Variants in RBM39 observed in about 807,000 individuals in gnomAD.
RBM39 encodes the protein RNA binding motif protein 39, also known as RNA-binding protein 39.
RBM39 carries 12 observed loss-of-function variants against 79.6 expected under a neutral mutation model. The observed-to-expected ratio is 0.15, with a 90% CI of 0.10 to 0.24. RBM39 has a LOEUF of 0.24. Ranked by LOEUF, RBM39 falls within the 10% of genes least tolerant of loss-of-function variation. The pLI is 1.00. For synonymous variants in RBM39, 185 were observed against 208.4 expected (o/e 0.89, Z 0.97); for missense variants, 243 against 653.4 (o/e 0.37, Z 6.85).
chr20:35,720,335 C>T (rs2146590113), intron 9 of RBM39, among the ~76,000 whole-genome samples: 1 of 152,272 alleles, frequency 6.6e-6, no homozygotes, highest in South Asian at 2.1e-4. Context: ...GACACAAGGC[C>T]TCGTGGCGCC....
At chr20:35,735,599 A>C (rs1187403709) in intron 3 of RBM39, among the ~76,000 whole-genome samples, 2 of 152,228 alleles carry the variant, frequency 1.3e-5, no homozygotes, top group Non-Finnish European at 2.9e-5. Flanking sequence ...TTTAGTACTA[A>C]AGGTTTAAAG....
intron 14 of RBM39, among the ~76,000 whole-genome samples, chr20:35,706,171 T>C (rs1394465658): frequency 1.3e-5 from 2 of 152,136 alleles, no homozygotes; most frequent in Non-Finnish European, 2.9e-5. Flanking sequence ...AAACCCTGTC[T>C]CTACTAAAAA....
intron 1 of RBM39, among the ~76,000 whole-genome samples, chr20:35,741,227 T>C (rs2146770697): frequency 6.6e-6 from 1 of 151,328 alleles, no homozygotes; most frequent in Middle Eastern, 3.4e-3. Context: ...AGAGACGGGG[T>C]TTCACCATGT....
chr20:35,728,448 GTTTA>G (rs2039003006), intron 6 of RBM39, among the ~76,000 whole-genome samples: 1 of 151,962 alleles, frequency 6.6e-6, no homozygotes, highest in Non-Finnish European at 1.5e-5. Flanking sequence ...AATGCAAAAA[GTTTA>G]TTTTAATTAA....
intron 9 of RBM39, among the ~76,000 whole-genome samples, chr20:35,720,690 G>A (rs1438903557): frequency 6.6e-6 from 1 of 152,080 alleles, no homozygotes; most frequent in African/African-American, 2.4e-5. Flanking sequence ...AGAATCGCTT[G>A]AACACAGAGA....
chr20:35,715,684 G>T (rs1332651896), intron 10 of RBM39, among the ~76,000 whole-genome samples: 2 of 152,134 alleles, frequency 1.3e-5, no homozygotes, highest in Non-Finnish European at 2.9e-5. Context: ...ACATAGTAAA[G>T]GAAAATAGGA....
chr20:35,724,161 A>G (rs1010926392), intron 8 of RBM39, among the ~76,000 whole-genome samples: 1 of 151,962 alleles, frequency 6.6e-6, no homozygotes, highest in East Asian at 1.9e-4. Context: ...ATGAAACCCC[A>G]TCTCTACTAA....
intron 12 of RBM39, among the ~76,000 whole-genome samples, chr20:35,711,707 C>A (rs568337492): frequency 2.6e-5 from 4 of 152,318 alleles, no homozygotes; most frequent in African/African-American, 9.6e-5. Context: ...CAAAAGTCGT[C>A]TTCTACTTTA....
At chr20:35,708,461 C>T (rs543097922) in intron 13 of RBM39, among the ~76,000 whole-genome samples, 1 of 152,032 alleles carries the variant, frequency 6.6e-6, no homozygotes, top group African/African-American at 2.4e-5. Flanking sequence ...ATGCAGAACA[C>T]AGTAAATCTA....
rs1032562402 is a variant in RBM39, at chr20:35,702,178, T to A, written c.*2303A>T. 6.6e-6 allele frequency: 1 copy of A among 152,168 alleles called. No homozygotes were observed. The highest frequency in any genetic ancestry group is 2.4e-5 in the African/African-American group (1 of 41,440). 9.4% of individuals were successfully genotyped at this position (152,168 alleles called of 1,614,324 possible). ...CCATTAAGCATTTCTTAAACAGAAC[T>A]TTCAAAGATGGTAGTAATTATTATA... On this transcript the variant is annotated 3_prime_UTR_variant, in exon 17 of 17. Coordinates refer to ENST00000253363, the MANE Select transcript of RBM39 (RefSeq NM_184234.3).
chr20:35,705,335 A>T lies in RBM39; in HGVS notation c.1308-5T>A. Reference sequence around the variant, plus strand: ...TCCCATCCAACTTCTTCTTCTCTGTAAGAAAGTATTAAGGACTCTTAAATA... The same window carrying T: ...TCCCATCCAACTTCTTCTTCTCTGTTAGAAAGTATTAAGGACTCTTAAATA... On this transcript the variant is annotated splice_polypyrimidine_tract_variant and splice_region_variant and intron_variant, in intron 14 of 16. Transcript: ENST00000253363. 6.6e-7 allele frequency: 1 copy of T among 1,525,482 alleles called. No homozygotes were observed. The highest frequency in any genetic ancestry group is 1.2e-5 in the South Asian group (1 of 85,442). The allele number at this position is 1,525,482 out of a possible 1,614,324, so 94.5% of individuals were successfully genotyped here.
intron 2 of RBM39, chr20:35,739,517 G>C (rs2040310440): frequency 2.1e-6 from 1 of 471,004 alleles, no homozygotes; most frequent in South Asian, 1.5e-5. Context: ...GACTGTAAGA[G>C]CTTGATGCCA....
chr20:35,705,107 C>A, intron 15 of RBM39, 118 bp downstream of exon 15: 1 of 659,192 alleles, frequency 1.5e-6, no homozygotes, highest in Non-Finnish European at 2.6e-6. Flanking sequence ...TACTTTCAGG[C>A]ACACACACAC....
rs1160267804 is a variant in RBM39, at chr20:35,704,458, T to C, written c.*23A>G. 1 of 1,502,980 alleles carries C rather than the reference T, an allele frequency of 6.7e-7. No individual in the cohort carries two copies. Among genetic ancestry groups the C allele is most frequent in the East Asian group, 2.3e-5 (1 of 44,336 alleles). 93.1% of individuals were successfully genotyped at this position (1,502,980 alleles called of 1,614,324 possible). On this transcript the variant is annotated 3_prime_UTR_variant, in exon 17 of 17. Coordinates refer to ENST00000253363, the MANE Select transcript of RBM39 (RefSeq NM_184234.3). ...TTCTCAAGAAAGAAAAAAAGCTATA[T>C]ACATAAGGGACTATATCTTCCTTCA...
At position 35,741,030 on chromosome 20, in the gene RBM39, CTTTTTTTTT is replaced by C. The variant is rs572102658; in HGVS notation, c.-13-152_-13-144del. 2.4e-4 allele frequency: 30 copies of C among 127,280 alleles called. 2 individuals are homozygous for C. Among genetic ancestry groups the C allele is most frequent in the Middle Eastern group, 3.1e-3 (1 of 322 alleles). The allele number at this position is 127,280 out of a possible 1,614,324, so 7.9% of individuals were successfully genotyped here. Reference sequence around the variant, plus strand: ...GACGATTCCGTGAGTAAACATTTTTCTTTTTTTTTTTTTTTTTTTTTGAGACGGAGTTTC... The same window carrying C: ...GACGATTCCGTGAGTAAACATTTTTCTTTTTTTTTTTTGAGACGGAGTTTC... On this transcript the variant is annotated intron_variant, in intron 1 of 16. Coordinates refer to ENST00000253363, the MANE Select transcript of RBM39 (RefSeq NM_184234.3).
intron 6 of RBM39, among the ~76,000 whole-genome samples, chr20:35,725,842 T>A (rs1366411013): frequency 6.6e-6 from 1 of 151,456 alleles, no homozygotes; most frequent in African/African-American, 2.4e-5. Flanking sequence ...TTTTGTATTT[T>A]AAGTAGAGAT....
At position 35,701,942 on chromosome 20, in the gene RBM39, AAC is replaced by A. The variant is rs1358561504; in HGVS notation, c.*2537_*2538del. ...CTAGTGGCTTTATCAGAAAAAGCAA[AAC>A]AGTTCATCCACTGTAAAAAAAAATA... is the stretch of plus-strand genomic sequence containing the variant. On this transcript the variant is annotated 3_prime_UTR_variant, in exon 17 of 17. Transcript: ENST00000253363. 2 of 148,616 alleles carry A rather than the reference AAC, an allele frequency of 1.3e-5. No individual in the cohort carries two copies. The highest frequency in any genetic ancestry group is 1.3e-4 in the Admixed American group (2 of 15,096). The allele number at this position is 148,616 out of a possible 1,614,324, so 9.2% of individuals were successfully genotyped here.
At chr20:35,724,993 T>C in intron 7 of RBM39, 45 bp downstream of exon 7, 2 of 1,325,162 alleles carry the variant, frequency 1.5e-6, no homozygotes, top group African/African-American at 1.5e-5. Context: ...ATGTTTTCTC[T>C]TGCAATTTCT....
intron 7 of RBM39, 77 bp from the exon 8 acceptor site, chr20:35,724,799 G>A: frequency 6.1e-6 from 9 of 1,465,006 alleles, no homozygotes; most frequent in South Asian, 2.5e-5. Context: ...CACTGTTGAA[G>A]GATGAAGGTA....
Sources: allele counts gnomAD v4.1 joint callset (sites outside exome capture counted in the v4.1 genomes callset), GRCh38; gene constraint gnomAD v4.1.1; transcripts MANE v1.5; gene names NCBI Gene and HGNC (gene_info 2026-07-23, HGNC 2026-07-21).